The following RCBTB1 variants were observed in gnomAD, a reference collection of about 807,000 sequenced individuals.
RCBTB1 encodes the protein RCC1 and BTB domain-containing protein 1.
In RCBTB1, 46 loss-of-function variants were observed where a neutral mutation model predicts 62.4. The observed-to-expected ratio is 0.74, with a 90% CI of 0.58 to 0.94. The LOEUF (loss-of-function observed/expected upper bound fraction) is 0.94, where lower values mean the gene tolerates loss of function less well. Among genes scored for constraint, RCBTB1 ranks in the 40% least tolerant of loss-of-function variants. The pLI is 0.00. For synonymous variants in RCBTB1, 222 were observed against 245.8 expected (o/e 0.90, Z 0.91); for missense variants, 565 against 654.9 (o/e 0.86, Z 1.50).
chr13:49,534,224 A>G lies in RCBTB1; in HGVS notation c.1494T>C (p.His498=), dbSNP rs772268601. The G allele has an allele frequency of 1.5e-5, 24 of 1,614,034 alleles. No individual in the cohort carries two copies. The highest frequency in any genetic ancestry group is 2.0e-5 in the Non-Finnish European group (24 of 1,180,012). The change falls in exon 13 of 13, where the codon CAT becomes CAC. Residue 498 remains histidine, a synonymous_variant. Coordinates refer to ENST00000378302, the MANE Select transcript of RCBTB1 (RefSeq NM_018191.4). ...CTGCAGTCTGTGTAACTTCTGTCAAATGATTGATGCAAAACTTAAAGCAGA... is the reference window on the plus strand; with the variant it reads ...CTGCAGTCTGTGTAACTTCTGTCAAGTGATTGATGCAAAACTTAAAGCAGA... ...EEFCFKFCIN[H]LTEVTQTAAF... is the part of the protein sequence containing the mutation.
chr13:49,564,225 T>C (rs972876598), intron 4 of RCBTB1, among the ~76,000 whole-genome samples: 4 of 152,096 alleles, frequency 2.6e-5, no homozygotes, highest in African/African-American at 7.2e-5. Flanking sequence ...AGAGAACAGA[T>C]GAAGATTTCC....
chr13:49,568,660 G>A (rs940827740), intron 2 of RCBTB1, among the ~76,000 whole-genome samples: 2 of 151,374 alleles, frequency 1.3e-5, no homozygotes, highest in East Asian at 1.9e-4. Context: ...GGGGAGGGGG[G>A]TGGCTCACAC....
chr13:49,571,551 G>T (rs1187910676), intron 2 of RCBTB1, among the ~76,000 whole-genome samples: 1 of 152,162 alleles, frequency 6.6e-6, no homozygotes, highest in Non-Finnish European at 1.5e-5. Flanking sequence ...AGACTGCTAA[G>T]GCACAAAGTG....
chr13:49,576,030 C>T (rs894602037), intron 2 of RCBTB1, among the ~76,000 whole-genome samples: 1 of 151,490 alleles, frequency 6.6e-6, no homozygotes, highest in Non-Finnish European at 1.5e-5. Context: ...ACTAAAAATA[C>T]GAAAAAATTA....
intron 5 of RCBTB1, among the ~76,000 whole-genome samples, chr13:49,559,470 C>A (rs1041013018): frequency 6.6e-6 from 1 of 152,002 alleles, no homozygotes; most frequent in African/African-American, 2.4e-5. Context: ...TCCTGGCTAA[C>A]ACGGTGAAAC....
intron 10 of RCBTB1, 102 bp from the exon 11 acceptor site, chr13:49,541,929 C>A: frequency 3.7e-6 from 5 of 1,353,802 alleles, no homozygotes; most frequent in Non-Finnish European, 4.9e-6. Context: ...ACAGAAGTAT[C>A]CTTGGGCCGG....
intron 3 of RCBTB1, 23 bp from the exon 4 acceptor site, chr13:49,566,791 T>C (rs1384699504): frequency 3.2e-6 from 5 of 1,587,066 alleles, no homozygotes; most frequent in Non-Finnish European, 3.4e-6. Context: ...TAGTTTTTTT[T>C]CTGAGTCTTT....
chr13:49,544,217 G>A (rs1381402031), intron 10 of RCBTB1, among the ~76,000 whole-genome samples: 2 of 152,138 alleles, frequency 1.3e-5, no homozygotes, highest in Non-Finnish European at 2.9e-5. Flanking sequence ...CATCTGTAAT[G>A]CCAGCACTTT....
intron 2 of RCBTB1, among the ~76,000 whole-genome samples, chr13:49,578,815 C>T (rs1043090642): frequency 2.6e-5 from 4 of 152,172 alleles, no homozygotes; most frequent in African/African-American, 9.7e-5. Context: ...TTCTTCATAG[C>T]CTTCTTCCTT....
At chr13:49,558,695 C>CATAA (rs1962153690) in intron 5 of RCBTB1, among the ~76,000 whole-genome samples, 1 of 59,378 alleles carries the variant, frequency 1.7e-5, no homozygotes. Flanking sequence ...ACTCTGTCTC[C>CATAA]AAAAAAAAAA....
chr13:49,579,398 C>A (rs964115021), intron 2 of RCBTB1, among the ~76,000 whole-genome samples: 1 of 151,960 alleles, frequency 6.6e-6, no homozygotes, highest in African/African-American at 2.4e-5. Context: ...CCGAGGCAGG[C>A]GGATCACGAG....
At chr13:49,536,634 G>A (rs1319297348) in intron 12 of RCBTB1, among the ~76,000 whole-genome samples, 1 of 152,196 alleles carries the variant, frequency 6.6e-6, no homozygotes, top group East Asian at 1.9e-4. Flanking sequence ...GAAGGATCAT[G>A]TGACCAGGAG....
Position 49,567,249 on chromosome 13 carries a change from T to G in RCBTB1, c.31A>C (p.Thr11Pro). MVDVGKWPIF[T>P]LLSPQEIASI... ...GCGATCTCTTGAGGGGAGAGTAGAGTGAAGATGGGCCACTTTCCGACATCC... is the reference window on the plus strand; with the variant it reads ...GCGATCTCTTGAGGGGAGAGTAGAGGGAAGATGGGCCACTTTCCGACATCC... The change falls in exon 3 of 13, where the codon ACT (threonine) becomes CCT (proline). Residue 11 changes from threonine (T) to proline (P), a missense_variant. By Grantham distance (38) the Thr-to-Pro change is conservative. Coordinates refer to ENST00000378302, the MANE Select transcript of RCBTB1 (RefSeq NM_018191.4). 1.9e-6 allele frequency: 3 copies of G among 1,613,742 alleles called. No homozygotes were observed. Among genetic ancestry groups the G allele is most frequent in the Non-Finnish European group, 2.5e-6 (3 of 1,179,936 alleles).
chr13:49,537,015 C>A (rs1050296456), intron 12 of RCBTB1, among the ~76,000 whole-genome samples: 3 of 152,192 alleles, frequency 2.0e-5, no homozygotes. Context: ...GTCTTAATAT[C>A]CTCATTTTAA....
intron 1 of RCBTB1, among the ~76,000 whole-genome samples, chr13:49,580,838 A>C (rs1312914740): frequency 1.3e-5 from 2 of 152,226 alleles, no homozygotes; most frequent in African/African-American, 4.8e-5. Flanking sequence ...TTAATTCAAT[A>C]AATTTTCTTA....
chr13:49,554,655 C>T (rs965257036), intron 6 of RCBTB1, among the ~76,000 whole-genome samples: 2 of 152,148 alleles, frequency 1.3e-5, no homozygotes, highest in African/African-American at 4.8e-5. Flanking sequence ...ATAAGATTCT[C>T]ACAGGAGCAC....
chr13:49,537,993 C>G (rs6561539), intron 12 of RCBTB1: 129,833 of 152,256 alleles, frequency 0.85, 55,498 homozygotes, highest in African/African-American at 0.9. Context: ...CGTAGAAAGA[C>G]AAGAAACATT....
intron 2 of RCBTB1, among the ~76,000 whole-genome samples, chr13:49,574,303 G>C (rs2137363874): frequency 6.6e-6 from 1 of 150,804 alleles, no homozygotes; most frequent in East Asian, 2.0e-4. Context: ...ATTTTTAGTA[G>C]AGACGGGGTT....
chr13:49,561,375 C>T (rs899341749), intron 4 of RCBTB1, among the ~76,000 whole-genome samples: 1 of 152,278 alleles, frequency 6.6e-6, no homozygotes, highest in Admixed American at 6.5e-5. Flanking sequence ...AAGAGCCATT[C>T]CCTCCTACAG....
Sources: gnomAD v4.1 joint callset for allele counts (sites outside exome capture counted in the v4.1 genomes callset) on GRCh38, gnomAD v4.1.1 for gene constraint, MANE v1.5 for transcripts, NCBI Gene and HGNC (gene_info 2026-07-23, HGNC 2026-07-21) for gene names.